Variants in CAPN14 observed in about 807,000 individuals in gnomAD.
CAPN14 encodes calpain 14.
A neutral mutation model predicts 101.3 loss-of-function variants in CAPN14; 94 were observed. That is an observed-to-expected ratio of 0.93 (90% CI 0.79 to 1.10). The LOEUF (loss-of-function observed/expected upper bound fraction) is 1.10, where lower values mean the gene tolerates loss of function less well. Ranked by LOEUF, CAPN14 falls within the 50% of genes least tolerant of loss-of-function variation. CAPN14 has a pLI of 0.00. For missense variants in CAPN14, 837 were observed against 828.4 expected (o/e 1.01, Z -0.13); for synonymous variants, 338 against 317.9 (o/e 1.06, Z -0.67).
chr2:31,230,668 T>C lies in CAPN14; in HGVS notation c.-177+3123A>G, dbSNP rs917151882. On this transcript the variant is annotated intron_variant and NMD_transcript_variant, in intron 1 of 21. Transcript: ENST00000398824. The surrounding 1 kb of genome is among the most constrained non-coding windows in gnomAD (Gnocchi z 4.3). Reference sequence around the variant, plus strand: ...CTCTTGTAAAAGACATTTTTGTAGCTCTTGCCAAGTTTTTTTCTATTGGAA... The same window carrying C: ...CTCTTGTAAAAGACATTTTTGTAGCCCTTGCCAAGTTTTTTTCTATTGGAA... Among the ~76,000 whole-genome samples the C allele has an allele frequency of 6.6e-6, 1 of 152,216 alleles. No individual in the cohort carries two copies. The highest frequency in any genetic ancestry group is 1.5e-5 in the Non-Finnish European group (1 of 68,038).
At chr2:31,195,773 A>G (rs1453504695) in intron 8 of CAPN14, among the ~76,000 whole-genome samples, 1 of 152,248 alleles carries the variant, frequency 6.6e-6, no homozygotes, top group Non-Finnish European at 1.5e-5. Context: ...TCAAAGTATC[A>G]AAACAATCCC....
chr2:31,218,588 T>C (rs1048487222), upstream of CAPN14, among the ~76,000 whole-genome samples: 2 of 152,216 alleles, frequency 1.3e-5, no homozygotes, highest in Admixed American at 1.3e-4. Context: ...ACTTATGACA[T>C]GCCAAGCACA....
intron 11 of CAPN14, among the ~76,000 whole-genome samples, 155 bp from the exon 12 acceptor site, chr2:31,191,562 T>A (rs1053705073): frequency 6.6e-6 from 1 of 152,190 alleles, no homozygotes; most frequent in Non-Finnish European, 1.5e-5. Flanking sequence ...CAAGACCTGC[T>A]GTTCTATCAG....
At chr2:31,187,474 T>G (rs1680955962) in intron 15 of CAPN14, among the ~76,000 whole-genome samples, 1 of 148,880 alleles carries the variant, frequency 6.7e-6, no homozygotes, top group Admixed American at 6.7e-5. Context: ...CTCTGCTATA[T>G]CCCATTTTCT....
chr2:31,205,475 T>A lies in CAPN14; in HGVS notation c.-28A>T. 1 of 1,522,832 alleles carries A rather than the reference T, an allele frequency of 6.6e-7. No individual in the cohort carries two copies. The highest frequency in any genetic ancestry group is 8.9e-7 in the Non-Finnish European group (1 of 1,121,242). 94.3% of individuals were successfully genotyped at this position (1,522,832 alleles called of 1,614,324 possible). On this transcript the variant is annotated 5_prime_UTR_variant, in exon 2 of 22. Coordinates refer to ENST00000403897, the MANE Select transcript of CAPN14 (RefSeq NM_001145122.2). ...CAGGTGGTGGGTACAGTCCAGTGAG[T>A]CTTCCTGAGGAGTCTCTGCTGCTCC... is the stretch of plus-strand genomic sequence containing the variant.
intron 16 of CAPN14, among the ~76,000 whole-genome samples, chr2:31,181,405 T>C (rs1680599605): frequency 8.6e-6 from 1 of 116,130 alleles, no homozygotes; most frequent in Non-Finnish European, 1.9e-5. Context: ...TTTTTTTCTT[T>C]CTTTCTTTCT....
chr2:31,218,369 G>C (rs188641951), upstream of CAPN14, among the ~76,000 whole-genome samples: 2 of 152,076 alleles, frequency 1.3e-5, no homozygotes, highest in East Asian at 3.9e-4. Flanking sequence ...ACCATGCCTA[G>C]TACCCAGGAG....
At chr2:31,181,498 CTT>C (rs1558612573) in intron 16 of CAPN14, among the ~76,000 whole-genome samples, 19 of 89,792 alleles carry the variant, frequency 2.1e-4, no homozygotes, top group African/African-American at 1.1e-3. Context: ...TCTCTCTTTC[CTT>C]TCTTTCTTTC....
intron 15 of CAPN14, among the ~76,000 whole-genome samples, chr2:31,187,309 C>G (rs202223466): frequency 1.3e-5 from 2 of 152,082 alleles, no homozygotes; most frequent in Non-Finnish European, 2.9e-5. Flanking sequence ...AGGCCCTCCC[C>G]CTTCTTATCA....
rs1681007790 is a variant in CAPN14 at position 31,188,364 on chromosome 2, AACAAACAAGAACAAACTCAGAGT to A, written c.1494-33_1494-11del. On this transcript the variant is annotated splice_polypyrimidine_tract_variant and intron_variant, in intron 13 of 21. Transcript: ENST00000403897. ...ATTGCTGCCAATTTCACTGAGAACA[AACAAACAAGAACAAACTCAGAGT>A]TTCCTCTTGGGAATTTTTTGGCCAA... The A allele has an allele frequency of 6.4e-7, 1 of 1,551,232 alleles. No individual in the cohort carries two copies. The highest frequency in any genetic ancestry group is 8.7e-7 in the Non-Finnish European group (1 of 1,146,806).
rs561386058 is a variant in CAPN14, at chr2:31,230,579, G to A, written c.-177+3212C>T. Among the ~76,000 whole-genome samples, 5 of 152,160 alleles carry A rather than the reference G, an allele frequency of 3.3e-5. No individual in the cohort carries two copies. The highest frequency in any genetic ancestry group is 1.2e-4 in the African/African-American group (5 of 41,442). On this transcript the variant is annotated intron_variant and NMD_transcript_variant, in intron 1 of 21. Coordinates refer to the CAPN14 transcript ENST00000398824. This position sits in a 1 kb window ranked among gnomAD's most constrained non-coding sequence, Gnocchi z 4.3. ...GGGTATGGAGTGTTAGTGTGGTTTG[G>A]CATTTCTCTAATTACTAATGAGATG...
At chr2:31,180,268 T>C (rs1680522953) in intron 17 of CAPN14, among the ~76,000 whole-genome samples, 2 of 152,224 alleles carry the variant, frequency 1.3e-5, no homozygotes, top group African/African-American at 4.8e-5. Context: ...AGCTGGGACC[T>C]GCTCCATGCC....
At chr2:31,228,371 G>C (rs1487611617) in intron 1 of CAPN14, 1 of 152,244 alleles carries the variant, frequency 6.6e-6, no homozygotes, top group African/African-American at 2.4e-5. Flanking sequence ...AGCTAAGGAG[G>C]GTTCGGCCTG....
rs1257335633 is a variant in CAPN14 at position 31,177,753 on chromosome 2, C to T, written c.1848G>A (p.Arg616=). The T allele has an allele frequency of 1.3e-6, 2 of 1,551,598 alleles. No homozygotes were observed. Among genetic ancestry groups the T allele is most frequent in the Non-Finnish European group, 1.7e-6 (2 of 1,146,804 alleles). Residue 616 remains arginine, a synonymous_variant, in exon 19 of 22, where the codon AGG becomes AGA. Transcript: ENST00000403897. ...LNWEQLHAAM[R]EAGIMLSDDV... ...AGCTCTTCCTGTGCCTACCTGCCTC[C>T]CTCATGGCAGCGTGCAGCTGCTCCC...
chr2:31,185,086 A>T (rs955072451), intron 16 of CAPN14, among the ~76,000 whole-genome samples: 4 of 152,174 alleles, frequency 2.6e-5, no homozygotes, highest in Admixed American at 6.5e-5. Flanking sequence ...CAATTCTGCT[A>T]TCTATTATAT....
chr2:31,222,386 T>A (rs76803621), upstream of CAPN14, among the ~76,000 whole-genome samples: 3,803 of 152,188 alleles, frequency 0.025, 64 homozygotes, highest in Non-Finnish European at 0.038. Context: ...TTATGTGGAG[T>A]TTGCATCCTA....
At chr2:31,233,068 T>A (rs1056333679) in intron 1 of CAPN14, among the ~76,000 whole-genome samples, 8 of 152,290 alleles carry the variant, frequency 5.3e-5, no homozygotes, top group South Asian at 2.1e-4. Context: ...TCCCACTCAC[T>A]CTCCTTAGTA....
intron 1 of CAPN14, among the ~76,000 whole-genome samples, chr2:31,214,619 A>G (rs778467917): frequency 6.6e-6 from 1 of 152,144 alleles, no homozygotes; most frequent in African/African-American, 2.4e-5. Flanking sequence ...GCATGCCTCT[A>G]TGGAGGTCTA....
At chr2:31,225,155 A>C (rs1436984340) in intron 2 of CAPN14, among the ~76,000 whole-genome samples, 1 of 152,120 alleles carries the variant, frequency 6.6e-6, no homozygotes. Flanking sequence ...AAAATAAGGG[A>C]AAAAATAGAC....
Sources: allele counts gnomAD v4.1 joint callset (sites outside exome capture counted in the v4.1 genomes callset), GRCh38; gene constraint gnomAD v4.1.1; non-coding constraint Gnocchi (gnomAD v3.1); transcripts MANE v1.5; gene names NCBI Gene and HGNC (gene_info 2026-07-23, HGNC 2026-07-21).